The following MALRD1 variants were observed in gnomAD, a reference collection of about 807,000 sequenced individuals.
MALRD1 encodes MAM and LDL receptor class A domain containing 1.
A neutral mutation model predicts 242.1 loss-of-function variants in MALRD1; 247 were observed. That is an observed-to-expected ratio of 1.02 (90% CI 0.92 to 1.13). The LOEUF (loss-of-function observed/expected upper bound fraction) is 1.13, where lower values mean the gene tolerates loss of function less well. Among genes scored for constraint, MALRD1 ranks in the 50% most tolerant of loss-of-function variants. The pLI, the probability that MALRD1 is intolerant of heterozygous loss-of-function variation, is 0.00. For synonymous variants in MALRD1, 995 were observed against 866.6 expected (o/e 1.15, Z -2.60); for missense variants, 2,989 against 2,533.1 (o/e 1.18, Z -3.86).
chr10:19,620,733 G>A (rs1839364121), intron 36 of MALRD1, among the ~76,000 whole-genome samples: 1 of 151,980 alleles, frequency 6.6e-6, no homozygotes, highest in African/African-American at 2.4e-5. Flanking sequence ...GATTGCAAGA[G>A]TTATTTCAAT....
At chr10:19,411,988 A>G (rs934326651) in intron 28 of MALRD1, among the ~76,000 whole-genome samples, 7 of 152,200 alleles carry the variant, frequency 4.6e-5, no homozygotes, top group Non-Finnish European at 5.9e-5. Flanking sequence ...AGTAAATTGT[A>G]TAACATGTAA....
intron 32 of MALRD1, among the ~76,000 whole-genome samples, chr10:19,544,947 A>G (rs1044006390): frequency 4.6e-5 from 7 of 152,082 alleles, no homozygotes; most frequent in South Asian, 2.1e-4. Context: ...TTTTTGTTTG[A>G]TATGCATATT....
chr10:19,447,378 G>A (rs1340608401), intron 28 of MALRD1, among the ~76,000 whole-genome samples: 1 of 152,142 alleles, frequency 6.6e-6, no homozygotes, highest in African/African-American at 2.4e-5. Flanking sequence ...AGCTAGTATA[G>A]TAGAATGATG....
intron 36 of MALRD1, among the ~76,000 whole-genome samples, chr10:19,619,065 A>C (rs758582799): frequency 4.6e-5 from 7 of 152,060 alleles, no homozygotes; most frequent in Non-Finnish European, 1.0e-4. Flanking sequence ...GCCAGATCTC[A>C]TTCAGATTTT....
intron 29 of MALRD1, among the ~76,000 whole-genome samples, chr10:19,454,258 A>G (rs543664619): frequency 2.2e-4 from 34 of 151,884 alleles, no homozygotes; most frequent in Non-Finnish European, 4.4e-4. Flanking sequence ...GACAAACCAC[A>G]AACAGTGACA....
intron 23 of MALRD1, 127 bp from the exon 24 acceptor site, chr10:19,331,242 C>CA: frequency 3.7e-6 from 3 of 805,716 alleles, no homozygotes; most frequent in Non-Finnish European, 5.6e-6. Flanking sequence ...ACATAAAAAA[C>CA]AAAAACAAAA....
At chr10:19,574,834 G>A (rs924748755) in intron 33 of MALRD1, among the ~76,000 whole-genome samples, 7 of 152,168 alleles carry the variant, frequency 4.6e-5, no homozygotes, top group Admixed American at 3.3e-4. Flanking sequence ...AGAGAATGAG[G>A]AGGGAGTTAA....
chr10:19,452,809 CAA>C (rs1835401451), intron 29 of MALRD1, among the ~76,000 whole-genome samples: 1 of 152,134 alleles, frequency 6.6e-6, no homozygotes, highest in Non-Finnish European at 1.5e-5. Context: ...CAAAACACGT[CAA>C]AGTCAGAAAG....
intron 21 of MALRD1, among the ~76,000 whole-genome samples, chr10:19,294,431 TATCA>T (rs1841596931): frequency 6.6e-6 from 1 of 152,212 alleles, no homozygotes; most frequent in Admixed American, 6.5e-5. Context: ...TATGCAGATA[TATCA>T]ATTACTCAAA....
chr10:19,346,120 A>G (rs766793084), intron 24 of MALRD1, among the ~76,000 whole-genome samples: 23 of 152,126 alleles, frequency 1.5e-4, no homozygotes, highest in Non-Finnish European at 3.1e-4. Context: ...TATAAACTAC[A>G]AAGAGTAATT....
rs764653092 is a variant in MALRD1 at position 19,309,201 on chromosome 10, A to AT, written c.3420-14740dup. 1.7e-4 allele frequency among the ~76,000 whole-genome samples: 26 copies of AT among 151,458 alleles called. No homozygotes were observed. The East Asian group carries it at 2.9e-3, about 17-fold the overall frequency. On this transcript the variant is annotated intron_variant, in intron 21 of 39. Coordinates refer to ENST00000454679, the MANE Select transcript of MALRD1 (RefSeq NM_001142308.3). ...TCACAGAGGTGATTCATGGAGCATA[A>AT]TTTTTTTTAGTGAAGAGATGGCAAC...
chr10:19,273,701 AT>A (rs1840366463), intron 19 of MALRD1, among the ~76,000 whole-genome samples: 1 of 152,188 alleles, frequency 6.6e-6, no homozygotes, highest in Non-Finnish European at 1.5e-5. Flanking sequence ...TAGTAAAAAC[AT>A]TAGTGTTTGC....
chr10:19,698,266 A>G (rs1833463913), intron 38 of MALRD1, among the ~76,000 whole-genome samples: 1 of 152,252 alleles, frequency 6.6e-6, no homozygotes, highest in Non-Finnish European at 1.5e-5. Flanking sequence ...CTTACCAAAC[A>G]CATCAGAACT....
chr10:19,151,738 A>G (rs1833952546), intron 11 of MALRD1, among the ~76,000 whole-genome samples: 1 of 152,182 alleles, frequency 6.6e-6, no homozygotes, highest in African/African-American at 2.4e-5. Context: ...AATTGAATGT[A>G]TGTTAAAAGT....
chr10:19,143,072 G>A (rs181578033), intron 10 of MALRD1, among the ~76,000 whole-genome samples: 212 of 152,268 alleles, frequency 1.4e-3, no homozygotes, highest in Admixed American at 3.5e-3. Flanking sequence ...TTATGGTGAC[G>A]GATTTTGAAA....
intron 32 of MALRD1, among the ~76,000 whole-genome samples, chr10:19,556,626 T>C (rs1268359209): frequency 6.6e-6 from 1 of 152,164 alleles, no homozygotes. Context: ...TAAGATTCCA[T>C]ACTATGGATG....
intron 11 of MALRD1, among the ~76,000 whole-genome samples, chr10:19,149,074 GTCCATCTA>G (rs1331837277): frequency 1.1e-3 from 117 of 108,410 alleles, no homozygotes; most frequent in African/African-American, 3.8e-3. Flanking sequence ...CTGTCTATCT[GTCCATCTA>G]TCTATCTATC....
intron 31 of MALRD1, among the ~76,000 whole-genome samples, chr10:19,524,150 G>A (rs990837035): frequency 3.3e-5 from 5 of 151,940 alleles, no homozygotes; most frequent in East Asian, 1.9e-4. Context: ...TTTTTCTCTC[G>A]CTGGCCATAT....
intron 5 of MALRD1, among the ~76,000 whole-genome samples, chr10:19,108,319 A>G (rs1387064440): frequency 1.3e-5 from 2 of 150,968 alleles, no homozygotes; most frequent in Non-Finnish European, 3.0e-5. Context: ...ATCCTCAGCT[A>G]CAAGATTTCT....
Sources: allele counts gnomAD v4.1 joint callset (sites outside exome capture counted in the v4.1 genomes callset), GRCh38; gene constraint gnomAD v4.1.1; transcripts MANE v1.5; gene names NCBI Gene and HGNC (gene_info 2026-07-23, HGNC 2026-07-21).